Variants in ADGRG6 observed in about 807,000 individuals in gnomAD.
The protein encoded by ADGRG6 is adhesion G protein-coupled receptor G6.
A neutral mutation model predicts 142.4 loss-of-function variants in ADGRG6; 84 were observed. That is an observed-to-expected ratio of 0.59 (90% confidence interval 0.49 to 0.71). The LOEUF is 0.71. ADGRG6 is among the 30% of genes least tolerant of loss of function. The pLI, the probability that ADGRG6 is intolerant of heterozygous loss-of-function variation, is 0.00. For synonymous variants in ADGRG6, 521 were observed against 520.5 expected, an observed-to-expected ratio of 1.00 and a Z score of -0.01; for missense variants, 1,367 against 1,466.6, an observed-to-expected ratio of 0.93 and a Z score of 1.11.
At chr6:142,437,162 C>T (rs988871799) in intron 22 of ADGRG6, among the ~76,000 whole-genome samples, 9 of 152,066 alleles carry the variant, frequency 5.9e-5, no homozygotes, top group African/African-American at 1.9e-4. Flanking sequence ...TTCAGCTTGG[C>T]TTTTAGGTTA....
At chr6:142,332,722 TAG>T (rs1779118584) in intron 2 of ADGRG6, among the ~76,000 whole-genome samples, 1 of 152,228 alleles carries the variant, frequency 6.6e-6, no homozygotes, top group Non-Finnish European at 1.5e-5. Context: ...GTTTATCTTT[TAG>T]ACATCTATTG....
intron 22 of ADGRG6, among the ~76,000 whole-genome samples, chr6:142,427,215 C>A (rs1200059174): frequency 1.3e-5 from 2 of 152,128 alleles, no homozygotes; most frequent in Non-Finnish European, 2.9e-5. Flanking sequence ...CCTTTTGAAA[C>A]TGAATGATTT....
At chr6:142,389,582 A>C (rs1054897105) in intron 6 of ADGRG6, among the ~76,000 whole-genome samples, 4 of 151,920 alleles carry the variant, frequency 2.6e-5, no homozygotes, top group Admixed American at 6.6e-5. Context: ...TCTTCTTTAC[A>C]ATAAGGTTTT....
intron 11 of ADGRG6, among the ~76,000 whole-genome samples, chr6:142,401,728 G>C (rs1245945582): frequency 6.6e-6 from 1 of 152,002 alleles, no homozygotes; most frequent in African/African-American, 2.4e-5. Flanking sequence ...AGAAGAATGA[G>C]GTGGAGAAAT....
Position 142,377,854 on chromosome 6 carries a change from A to C in ADGRG6, c.1070-4097A>C, listed in dbSNP as rs1364811932. Among the ~76,000 whole-genome samples, 6 of 152,306 alleles carry C rather than the reference A, an allele frequency of 3.9e-5. No individual in the cohort carries two copies. The South Asian group carries it at 1.2e-3, about 32-fold the overall frequency. Reference sequence around the variant, plus strand: ...TTTATTTTGGTGTGTTTGTAATGCAAGTTTTCATTTATCAATTAAATTTCC... The same window carrying C: ...TTTATTTTGGTGTGTTTGTAATGCACGTTTTCATTTATCAATTAAATTTCC... On this transcript the variant is annotated intron_variant, in intron 4 of 24. Transcript: ENST00000367609.
chr6:142,414,660 C>G (rs1173304171), intron 18 of ADGRG6, among the ~76,000 whole-genome samples: 1 of 152,152 alleles, frequency 6.6e-6, no homozygotes, highest in East Asian at 1.9e-4. Flanking sequence ...CAACCGTCTC[C>G]TCTCCAATTT....
chr6:142,395,761 C>G (rs947639899), intron 9 of ADGRG6, among the ~76,000 whole-genome samples: 1 of 152,098 alleles, frequency 6.6e-6, no homozygotes, highest in Non-Finnish European at 1.5e-5. Flanking sequence ...GGCTCTTACC[C>G]TCATTGGTGA....
chr6:142,369,182 C>T (rs750106667), intron 3 of ADGRG6, among the ~76,000 whole-genome samples: 7 of 152,064 alleles, frequency 4.6e-5, no homozygotes, highest in Admixed American at 1.3e-4. Context: ...AGAAATACTT[C>T]TTTCTCAAAT....
chr6:142,375,137 G>A (rs1399353111), intron 4 of ADGRG6, among the ~76,000 whole-genome samples: 1 of 151,996 alleles, frequency 6.6e-6, no homozygotes, highest in Middle Eastern at 3.2e-3. Flanking sequence ...ACCTTTTTAG[G>A]TTCCACATTT....
chr6:142,416,629 G>A (rs1044737752), intron 20 of ADGRG6, among the ~76,000 whole-genome samples: 1 of 152,082 alleles, frequency 6.6e-6, no homozygotes, highest in Non-Finnish European at 1.5e-5. Flanking sequence ...ATTGAGCCAG[G>A]CATTTTAGAG....
Position 142,381,970 on chromosome 6 carries a change from C to T in ADGRG6, c.1089C>T (p.Leu363=), listed in dbSNP as rs1417830752. The change falls in exon 5 of 25, where the codon CTC becomes CTT. Residue 363 remains leucine, a synonymous_variant. Coordinates refer to ENST00000367609, the MANE Select transcript of ADGRG6 (RefSeq NM_198569.3). ...NLSCGSYLIP[L]PAAELASCAD... ...ATCAAGGTTCCTACCTGATCCCGCT[C>T]CCAGCAGCAGAACTGGCCAGCTGTG... 4 of 1,604,654 alleles carry T rather than the reference C, an allele frequency of 2.5e-6. No individual in the cohort carries two copies. The highest frequency in any genetic ancestry group is 2.2e-5 in the East Asian group (1 of 44,622).
chr6:142,403,255 C>T (rs1775628384), intron 13 of ADGRG6, among the ~76,000 whole-genome samples: 1 of 151,960 alleles, frequency 6.6e-6, no homozygotes. Context: ...GAAAATGTAC[C>T]TGTATTTATA....
chr6:142,370,878 A>T, intron 4 of ADGRG6, 85 bp downstream of exon 4: 2 of 1,284,880 alleles, frequency 1.6e-6, no homozygotes, highest in Admixed American at 2.0e-5. Context: ...ATACATACAC[A>T]CAAATGTACC....
Position 142,302,166 on chromosome 6 carries a change from C to T in ADGRG6, c.-164C>T, listed in dbSNP as rs918091718. 1.5e-6 allele frequency: 1 copy of T among 686,264 alleles called. No homozygotes were observed. Among genetic ancestry groups the T allele is most frequent in the Non-Finnish European group, 2.4e-6 (1 of 424,434 alleles). The allele number at this position is 686,264 out of a possible 1,614,324, so 42.5% of individuals were successfully genotyped here. On this transcript the variant is annotated 5_prime_UTR_variant, in exon 1 of 25. Coordinates refer to ENST00000367609, the MANE Select transcript of ADGRG6 (RefSeq NM_198569.3). ...GCGCCCAGGGTTCACCTTGCGCCGTCGGGAAAGCCCATGAACTCTCCAGAA... is the reference window on the plus strand; with the variant it reads ...GCGCCCAGGGTTCACCTTGCGCCGTTGGGAAAGCCCATGAACTCTCCAGAA...
At chr6:142,385,787 AAG>A (rs1313044459) in intron 6 of ADGRG6, among the ~76,000 whole-genome samples, 1 of 152,148 alleles carries the variant, frequency 6.6e-6, no homozygotes, top group Non-Finnish European at 1.5e-5. Flanking sequence ...AATAATTGAA[AAG>A]AGAATTACTT....
rs776962394 is a variant in ADGRG6 at position 142,367,792 on chromosome 6, A to G, written c.327A>G (p.Lys109=). The change falls in exon 3 of 25, where the codon AAA becomes AAG. Residue 109 remains lysine (K), a synonymous_variant. Coordinates refer to ENST00000367609, the MANE Select transcript of ADGRG6 (RefSeq NM_198569.3). ...TTGATAATGGAGAGAGCCAGACTAAATTTTGTGGAGCAACTGCCAAAGGCC... is the reference window on the plus strand; with the variant it reads ...TTGATAATGGAGAGAGCCAGACTAAGTTTTGTGGAGCAACTGCCAAAGGCC... ...LSLDNGESQT[K]FCGATAKGLS... The G allele has an allele frequency of 6.2e-7, 1 of 1,613,830 alleles. No homozygotes were observed. The highest frequency in any genetic ancestry group is 8.5e-7 in the Non-Finnish European group (1 of 1,179,744).
intron 2 of ADGRG6, among the ~76,000 whole-genome samples, chr6:142,319,299 G>A (rs980013995): frequency 6.6e-6 from 1 of 152,044 alleles, no homozygotes; most frequent in Admixed American, 6.6e-5. Context: ...TATAACTATC[G>A]CCTTTGAGGC....
chr6:142,392,979 C>A lies in ADGRG6; in HGVS notation c.1340C>A (p.Thr447Lys), dbSNP rs200152845. Reference sequence around the variant, plus strand: ...TCAACCTTCCAAAATTGGAACTACACGGTTTATGTCGTTAATATCAGGTAA... The same window carrying A: ...TCAACCTTCCAAAATTGGAACTACAAGGTTTATGTCGTTAATATCAGGTAA... Reference protein sequence around the residue: ...LNSTFQNWNYTVYVVNISFHL... With the variant: ...LNSTFQNWNYKVYVVNISFHL... The change falls in exon 8 of 25, where the codon ACG becomes AAG. Residue 447 changes from threonine to lysine, a missense_variant. Thr to Lys is a moderately conservative substitution (Grantham distance 78, BLOSUM62 -1). Around this residue, in one of 3 missense-constraint regions of ADGRG6, gnomAD observed 737 missense variants for 746.5 expected, o/e 0.99. Coordinates refer to ENST00000367609, the MANE Select transcript of ADGRG6 (RefSeq NM_198569.3). 1.3e-6 allele frequency: 2 copies of A among 1,580,528 alleles called. No individual in the cohort carries two copies. The highest frequency in any genetic ancestry group is 1.7e-5 in the Admixed American group (1 of 59,646).
At chr6:142,400,961 G>A (rs1775491165) in intron 11 of ADGRG6, among the ~76,000 whole-genome samples, 1 of 152,166 alleles carries the variant, frequency 6.6e-6, no homozygotes, top group Non-Finnish European at 1.5e-5. Context: ...TGCTGGAATG[G>A]GGAGAGGAGG....
Sources: allele counts gnomAD v4.1 joint callset (sites outside exome capture counted in the v4.1 genomes callset), GRCh38; gene constraint gnomAD v4.1.1; regional missense constraint gnomAD v4.1.1; transcripts MANE v1.5; gene names NCBI Gene and HGNC (gene_info 2026-07-23, HGNC 2026-07-21).